The following NLGN1 variants were observed in gnomAD, a reference collection of about 807,000 sequenced individuals.
NLGN1 encodes neuroligin 1, also known as neuroligin-1.
A neutral mutation model predicts 65.5 loss-of-function variants in NLGN1; 12 were observed. The ratio of observed to expected loss-of-function variants is 0.18; its 90% CI spans 0.12 to 0.30. The LOEUF (loss-of-function observed/expected upper bound fraction) is 0.30, where lower values mean the gene tolerates loss of function less well. Among genes scored for constraint, NLGN1 ranks in the 10% least tolerant of loss-of-function variants. The pLI is 1.00. For missense variants in NLGN1, 750 were observed against 1,007.1 expected, an observed-to-expected ratio of 0.74 and a Z score of 3.46; for synonymous variants, 350 against 359.5, an observed-to-expected ratio of 0.97 and a Z score of 0.30.
chr3:174,081,596 TG>T (rs1351258296), intron 4 of NLGN1, among the ~76,000 whole-genome samples: 34 of 121,192 alleles, frequency 2.8e-4, no homozygotes, highest in Admixed American at 5.9e-4. Flanking sequence ...GTGATTAGGT[TG>T]TTTTTTTTTT....
At chr3:174,253,032 AT>A (rs1375067010) in intron 4 of NLGN1, among the ~76,000 whole-genome samples, 2 of 152,160 alleles carry the variant, frequency 1.3e-5, no homozygotes, top group Non-Finnish European at 2.9e-5. Context: ...TCATTATCTG[AT>A]TCTCTAAGAG....
the NLGN1 span, among the ~76,000 whole-genome samples, chr3:174,294,107 G>A: frequency 1.3e-5 from 2 of 151,498 alleles, no homozygotes; most frequent in Non-Finnish European, 3.0e-5. Flanking sequence ...GTGTATTAAA[G>A]TATCTATTTC....
intron 2 of NLGN1, among the ~76,000 whole-genome samples, chr3:173,559,440 G>A (rs1742288518): frequency 6.6e-6 from 1 of 152,172 alleles, no homozygotes; most frequent in African/African-American, 2.4e-5. Flanking sequence ...AATACAAGAT[G>A]CTATACTCAT....
intron 3 of NLGN1, among the ~76,000 whole-genome samples, chr3:173,739,531 A>T (rs373500486): frequency 6.6e-6 from 1 of 152,084 alleles, no homozygotes. Flanking sequence ...AAGCTAAGCC[A>T]TAGGGAGCTG....
intron 4 of NLGN1, among the ~76,000 whole-genome samples, chr3:174,076,722 A>AGTGTGT (rs945040076): frequency 9.7e-6 from 1 of 102,894 alleles, no homozygotes; most frequent in Non-Finnish European, 1.9e-5. Flanking sequence ...AGAGAGAGAG[A>AGTGTGT]GAGTGTGTGT....
intron 3 of NLGN1, among the ~76,000 whole-genome samples, chr3:173,667,859 C>T (rs1761929804): frequency 6.6e-6 from 1 of 152,104 alleles, no homozygotes; most frequent in African/African-American, 2.4e-5. Flanking sequence ...TCTCGAACTC[C>T]TGACCTCATG....
At chr3:173,845,809 C>T (rs550726548) in intron 4 of NLGN1, among the ~76,000 whole-genome samples, 1 of 151,910 alleles carries the variant, frequency 6.6e-6, no homozygotes, top group Non-Finnish European at 1.5e-5. Context: ...TATCTTGACT[C>T]TTAGATTTTT....
chr3:174,103,989 A>G (rs1480950971), intron 4 of NLGN1, among the ~76,000 whole-genome samples: 1 of 152,104 alleles, frequency 6.6e-6, no homozygotes, highest in African/African-American at 2.4e-5. Flanking sequence ...AAGCAGAAAA[A>G]TAGAACACCT....
chr3:173,968,393 A>G (rs1165014169), intron 4 of NLGN1, among the ~76,000 whole-genome samples: 1 of 152,168 alleles, frequency 6.6e-6, no homozygotes, highest in East Asian at 1.9e-4. Context: ...ACAACTGATT[A>G]TGGGATATAT....
chr3:173,668,668 G>C (rs1437452283), intron 3 of NLGN1, among the ~76,000 whole-genome samples: 2 of 149,516 alleles, frequency 1.3e-5, no homozygotes, highest in East Asian at 2.0e-4. Flanking sequence ...CACCCAGGCT[G>C]GATGGAGTGC....
intron 2 of NLGN1, among the ~76,000 whole-genome samples, chr3:173,479,393 C>T (rs1179750947): frequency 2.0e-5 from 3 of 152,146 alleles, no homozygotes; most frequent in Non-Finnish European, 2.9e-5. Flanking sequence ...TGTTGACTCT[C>T]ATAATTGGGT....
chr3:173,491,039 A>G (rs562594058), intron 2 of NLGN1, among the ~76,000 whole-genome samples: 1 of 151,980 alleles, frequency 6.6e-6, no homozygotes, highest in Admixed American at 6.5e-5. Flanking sequence ...GTCATCTGCA[A>G]ACAGGGACAA....
At chr3:173,410,441 G>A (rs1342115158) in intron 1 of NLGN1, among the ~76,000 whole-genome samples, 5 of 152,178 alleles carry the variant, frequency 3.3e-5, no homozygotes, top group African/African-American at 1.2e-4. Context: ...CCTCAATTGT[G>A]ACAGTCCTTC....
chr3:173,654,703 A>G (rs1325250268), intron 3 of NLGN1, among the ~76,000 whole-genome samples: 1 of 152,198 alleles, frequency 6.6e-6, no homozygotes, highest in Admixed American at 6.6e-5. Context: ...AGAATTATGT[A>G]TACATTTTGA....
chr3:173,977,575 C>G (rs78418881), intron 4 of NLGN1, among the ~76,000 whole-genome samples: 12 of 151,806 alleles, frequency 7.9e-5, no homozygotes, highest in Admixed American at 1.3e-4. Context: ...TACTAGAAGA[C>G]AGAGGTTCCA....
chr3:173,824,267 G>GA (rs1321378373), intron 4 of NLGN1, among the ~76,000 whole-genome samples: 5 of 151,992 alleles, frequency 3.3e-5, no homozygotes, highest in Admixed American at 1.3e-4. Context: ...CAGCCAAAAG[G>GA]AAAAAAATGT....
At position 173,754,222 on chromosome 3, in the gene NLGN1, GT is replaced by G. The variant is rs556058725; in HGVS notation, c.494-53452del. On this transcript the variant is annotated intron_variant, in intron 3 of 6. Coordinates refer to ENST00000457714, the Ensembl canonical transcript of NLGN1. ...CCACCATGCCTGGCTAACTTTTGTA[GT>G]TTTTTGTAGAGATGGGGTTTCACCA... Among the ~76,000 whole-genome samples the G allele has an allele frequency of 4.6e-5, 7 of 151,244 alleles. No individual in the cohort carries two copies. In the South Asian group the frequency reaches 1.2e-3, roughly 27 times the overall value.
At chr3:173,465,256 GA>G (rs1329529378) in intron 2 of NLGN1, among the ~76,000 whole-genome samples, 1 of 152,176 alleles carries the variant, frequency 6.6e-6, no homozygotes, top group Non-Finnish European at 1.5e-5. Context: ...AGCCAACACT[GA>G]AGATGTAATG....
chr3:173,426,935 A>G (rs1266048220), intron 1 of NLGN1, among the ~76,000 whole-genome samples: 1 of 152,108 alleles, frequency 6.6e-6, no homozygotes, highest in Non-Finnish European at 1.5e-5. Context: ...GGTAAAACTT[A>G]GCAATGAAAT....
Sources: gnomAD v4.1 joint callset for allele counts (sites outside exome capture counted in the v4.1 genomes callset) on GRCh38, gnomAD v4.1.1 for gene constraint, MANE v1.5 for transcripts, NCBI Gene and HGNC (gene_info 2026-07-23, HGNC 2026-07-21) for gene names.